ZBTB21: variants seen among roughly 807,000 people sequenced by gnomAD.
ZBTB21 encodes the protein zinc finger and BTB domain-containing protein 21.
A neutral mutation model predicts 39.8 loss-of-function variants in ZBTB21; 10 were observed. That is an observed-to-expected ratio of 0.25 (90% CI 0.16 to 0.43). The LOEUF is 0.43. ZBTB21 is among the 20% of genes least tolerant of loss of function. The pLI, the probability that ZBTB21 is intolerant of heterozygous loss-of-function variation, is 1.00. For missense variants in ZBTB21, 1,221 were observed against 1,296.3 expected (o/e 0.94, Z 0.89); for synonymous variants, 551 against 498.8 (o/e 1.10, Z -1.40).
chr21:41,997,744 A>AGAG (rs2146308183), intron 2 of ZBTB21, among the ~76,000 whole-genome samples: 1 of 152,344 alleles, frequency 6.6e-6, no homozygotes, highest in East Asian at 1.9e-4. Flanking sequence ...CTAGTTCTAA[A>AGAG]TTTAATTAAA....
chr21:42,009,150 C>T (rs912448808), intron 1 of ZBTB21: 1 of 86,118 alleles, frequency 1.2e-5, no homozygotes, highest in African/African-American at 6.6e-5. Flanking sequence ...AACCCCAGGC[C>T]GTGTGAAGTC....
rs1026612034 is a variant in ZBTB21 at position 41,992,931 on chromosome 21, A to C, written c.1165T>G (p.Cys389Gly). The change falls in exon 3 of 3, where the codon TGT (cysteine) becomes GGT (glycine). Residue 389 changes from cysteine to glycine, a missense_variant. Physicochemically the swap from Cys to Gly is radical, Grantham distance 159. Around this residue, in one of 4 missense-constraint regions of ZBTB21, gnomAD observed 500 missense variants for 465.6 expected, o/e 1.07. Coordinates refer to ENST00000310826, the MANE Select transcript of ZBTB21 (RefSeq NM_001098402.2). The surrounding 1 kb of genome is among the most constrained non-coding windows in gnomAD (Gnocchi z 4.1). ...ALSQKSSLKD[C>G]SEKTALDDRP... ...TCATCTAGGGCTGTTTTTTCACTACAATCTTTTAAAGATGACTTCTGAGAT... is the reference window on the plus strand; with the variant it reads ...TCATCTAGGGCTGTTTTTTCACTACCATCTTTTAAAGATGACTTCTGAGAT... 3 of 1,614,152 alleles carry C rather than the reference A, an allele frequency of 1.9e-6. No individual in the cohort carries two copies. Among genetic ancestry groups the C allele is most frequent in the African/African-American group, 1.3e-5 (1 of 75,026 alleles).
At position 41,993,833 on chromosome 21, in the gene ZBTB21, T is replaced by C; in HGVS notation, c.263A>G (p.Tyr88Cys). The change falls in exon 3 of 3, where the codon TAT becomes TGT. Residue 88 changes from tyrosine (Y) to cysteine (C), a missense_variant. Physicochemically the swap from Tyr to Cys is radical, Grantham distance 194. Around this residue, in one of 4 missense-constraint regions of ZBTB21, gnomAD observed 108 missense variants for 155.0 expected, o/e 0.70. Transcript: ENST00000310826. ...CTTCTCAACAAATAGAGAGGAAGAA[T>C]AAATGTAGTTTAAAACATTATCAAA... ...DAFDNVLNYI[Y>C]SSSLFVEKSS... 1 of 1,614,084 alleles carries C rather than the reference T, an allele frequency of 6.2e-7. No homozygotes were observed. The highest frequency in any genetic ancestry group is 2.2e-5 in the East Asian group (1 of 44,902).
intron 1 of ZBTB21, among the ~76,000 whole-genome samples, chr21:42,003,260 C>G (rs544750692): frequency 1.2e-4 from 18 of 152,368 alleles, no homozygotes; most frequent in African/African-American, 4.3e-4. Context: ...TCCTTCTCCA[C>G]TTCCCCTCAC....
intron 1 of ZBTB21, among the ~76,000 whole-genome samples, chr21:42,004,252 G>A (rs1308335950): frequency 3.3e-5 from 5 of 152,022 alleles, no homozygotes; most frequent in Admixed American, 2.6e-4. Context: ...TGCCCACCTC[G>A]GTCTCCCAAA....
chr21:41,993,796 A>G lies in ZBTB21; in HGVS notation c.300T>C (p.Ala100=). The G allele has an allele frequency of 6.2e-7, 1 of 1,614,266 alleles. No individual in the cohort carries two copies. The highest frequency in any genetic ancestry group is 1.7e-5 in the Admixed American group (1 of 60,038). The change falls in exon 3 of 3, where the codon GCT becomes GCC. Residue 100 remains alanine, a synonymous_variant. Transcript: ENST00000310826. The stretch of plus-strand genomic sequence containing the variant: ...GACTATAGCCAAGTTCTTGCACAGC[A>G]GCAAGGCTGCTCTTCTCAACAAATA... ...SSLFVEKSSL[A]AVQELGYSLG...
intron 1 of ZBTB21, among the ~76,000 whole-genome samples, chr21:42,009,936 G>A (rs369595469): frequency 8.5e-5 from 13 of 152,342 alleles, no homozygotes; most frequent in African/African-American, 2.4e-4. Context: ...CCCAGGGGCA[G>A]CTCGGCCAGG....
At chr21:42,001,577 A>G (rs902699605) in intron 2 of ZBTB21, among the ~76,000 whole-genome samples, 2 of 152,232 alleles carry the variant, frequency 1.3e-5, no homozygotes, top group Non-Finnish European at 2.9e-5. Flanking sequence ...GATGGAGGCC[A>G]GGAAGGGCGT....
intron 2 of ZBTB21, among the ~76,000 whole-genome samples, chr21:41,997,555 G>T (rs2065763271): frequency 7.0e-6 from 1 of 142,832 alleles, no homozygotes; most frequent in Admixed American, 7.2e-5. Flanking sequence ...CAGCCTGGTT[G>T]ACAGAGCAAG....
Position 41,990,811 on chromosome 21 carries a change from A to G in ZBTB21, c.*84T>C. The G allele has an allele frequency of 3.8e-6, 5 of 1,310,702 alleles. No homozygotes were observed. The South Asian group carries it at 9.5e-5, about 25-fold the overall frequency. 81.2% of individuals were successfully genotyped at this position (1,310,702 alleles called of 1,614,324 possible). ...TCCAACCTTTATTATTCTTGTTTAA[A>G]AAATATTTTGTTTCTTATGACACAT... On this transcript the variant is annotated 3_prime_UTR_variant, in exon 3 of 3. Coordinates refer to ENST00000310826, the MANE Select transcript of ZBTB21 (RefSeq NM_001098402.2).
At position 41,990,974 on chromosome 21, in the gene ZBTB21, C is replaced by T; in HGVS notation, c.3122G>A (p.Arg1041Lys). ...GTGGCAAAGTTTACACATAAACTGT[C>T]TTTTAAATGTGATTGCTGAAAGGGG... ...APPLSAITFK[R>K]QFMCKLCHRT... The change falls in exon 3 of 3, where the codon AGA becomes AAA. Residue 1041 changes from arginine (R) to lysine (K), a missense_variant. Arg to Lys is a conservative substitution (Grantham distance 26). This residue lies in a region of ZBTB21 where 523 missense variants were observed against 542.5 expected (regional missense o/e 0.96). Transcript: ENST00000310826. The T allele has an allele frequency of 2.6e-6, 4 of 1,531,662 alleles. No individual in the cohort carries two copies. Among genetic ancestry groups the T allele is most frequent in the South Asian group, 1.3e-5 (1 of 76,562 alleles). The allele number at this position is 1,531,662 out of a possible 1,614,324, so 94.9% of individuals were successfully genotyped here.
At position 41,993,566 on chromosome 21, in the gene ZBTB21, G is replaced by C. The variant is rs765674209; in HGVS notation, c.530C>G (p.Ser177Cys). 1 of 1,614,288 alleles carries C rather than the reference G, an allele frequency of 6.2e-7. No individual in the cohort carries two copies. The highest frequency in any genetic ancestry group is 1.1e-5 in the South Asian group (1 of 91,090). The stretch of plus-strand genomic sequence containing the variant: ...ATTGGCCTTGACTGCAATGCTAGGA[G>C]AGGGCCGGGAAGTATGGCTTACATC... ...QPDVSHTSRP[S>C]PSIAVKANTN... Residue 177 changes from serine (S) to cysteine (C), a missense_variant, in exon 3 of 3, where the codon TCT becomes TGT. By Grantham distance (112) the Ser-to-Cys change is moderately radical. Around this residue, in one of 4 missense-constraint regions of ZBTB21, gnomAD observed 500 missense variants for 465.6 expected, o/e 1.07. Coordinates refer to ENST00000310826, the MANE Select transcript of ZBTB21 (RefSeq NM_001098402.2).
chr21:41,991,692 T>C lies in ZBTB21; in HGVS notation c.2404A>G (p.Asn802Asp). The change falls in exon 3 of 3, where the codon AAC (asparagine) becomes GAC (aspartate). Residue 802 changes from asparagine (N) to aspartate (D), a missense_variant. Physicochemically the swap from Asn to Asp is conservative, Grantham distance 23. Coordinates refer to ENST00000310826, the MANE Select transcript of ZBTB21 (RefSeq NM_001098402.2). The surrounding 1 kb of genome is among the most constrained non-coding windows in gnomAD (Gnocchi z 4.9). ...RHQVEVHNQN[N>D]MAPTENFSLP... ...GAAAAGTTTTCGGTGGGTGCCATGTTGTTCTGATTATGGACTTCAACCTGG... is the reference window on the plus strand; with the variant it reads ...GAAAAGTTTTCGGTGGGTGCCATGTCGTTCTGATTATGGACTTCAACCTGG... The C allele has an allele frequency of 6.2e-7, 1 of 1,613,990 alleles. No individual in the cohort carries two copies.
rs2065633448 is a variant in ZBTB21, at chr21:41,990,306, A to G, written c.*589T>C. 1 of 152,632 alleles carries G rather than the reference A, an allele frequency of 6.6e-6. No homozygotes were observed. The highest frequency in any genetic ancestry group is 1.5e-5 in the Non-Finnish European group (1 of 68,034). The allele number at this position is 152,632 out of a possible 1,614,324, so 9.5% of individuals were successfully genotyped here. On this transcript the variant is annotated 3_prime_UTR_variant, in exon 3 of 3. Coordinates refer to ENST00000310826, the MANE Select transcript of ZBTB21 (RefSeq NM_001098402.2). ...TCTAAGTGTTACTATTGCTGATTTA[A>G]ATTTCTCACAATTTTCATACAAAAA...
chr21:41,991,419 C>T lies in ZBTB21; in HGVS notation c.2677G>A (p.Ala893Thr). The T allele has an allele frequency of 1.2e-6, 2 of 1,611,890 alleles. No homozygotes were observed. The highest frequency in any genetic ancestry group is 1.3e-5 in the African/African-American group (1 of 74,554). ...VEEAEEEAPE[A>T]STAPKEAGPS... ...CCCGCTTCTTTGGGGGCTGTGCTGG[C>T]CTCGGGTGCCTCTTCTTCAGCCTCC... The change falls in exon 3 of 3, where the codon GCC becomes ACC. Residue 893 changes from alanine to threonine, a missense_variant. By Grantham distance (58) the Ala-to-Thr change is moderately conservative (BLOSUM62 0). This residue lies in a region of ZBTB21 where 523 missense variants were observed against 542.5 expected (regional missense o/e 0.96). Transcript: ENST00000310826. This position sits in a 1 kb window ranked among gnomAD's most constrained non-coding sequence, Gnocchi z 4.9.
chr21:41,995,223 A>G (rs1442684091), intron 2 of ZBTB21, among the ~76,000 whole-genome samples: 1 of 152,244 alleles, frequency 6.6e-6, no homozygotes, highest in Non-Finnish European at 1.5e-5. Flanking sequence ...TAGAGGACTC[A>G]GAAGAAGACA....
chr21:41,997,500 T>G (rs898998720), intron 2 of ZBTB21, among the ~76,000 whole-genome samples: 2 of 148,840 alleles, frequency 1.3e-5, no homozygotes, highest in Non-Finnish European at 3.0e-5. Flanking sequence ...CACTTAAGCC[T>G]GGGAAGTGGA....
intron 1 of ZBTB21, among the ~76,000 whole-genome samples, chr21:42,004,855 T>C (rs768446564): frequency 5.3e-5 from 8 of 152,236 alleles, no homozygotes; most frequent in Non-Finnish European, 1.2e-4. Flanking sequence ...AACCCTCATT[T>C]CAGGATTTAG....
In ZBTB21 at chr21:41,989,391, T is replaced by G. The variant is rs780865974; in HGVS notation, c.*1504A>C. The G allele has an allele frequency of 1.3e-5, 2 of 152,160 alleles. No homozygotes were observed. The highest frequency in any genetic ancestry group is 1.3e-4 in the Admixed American group (2 of 15,278). The allele number at this position is 152,160 out of a possible 1,614,324, so 9.4% of individuals were successfully genotyped here. A position where few individuals can be genotyped will look rare whatever the true frequency, so the allele number is the denominator to read the frequency against. On this transcript the variant is annotated 3_prime_UTR_variant, in exon 3 of 3. Transcript: ENST00000310826. ...GCACAAATCTAAAATTATTTCTTAA[T>G]GACAGTAGTTGGCTTTTAAAAAAAA...
Sources: allele counts gnomAD v4.1 joint callset (sites outside exome capture counted in the v4.1 genomes callset), GRCh38; gene constraint gnomAD v4.1.1; regional missense constraint gnomAD v4.1.1; non-coding constraint Gnocchi (gnomAD v3.1); transcripts MANE v1.5; gene names NCBI Gene and HGNC (gene_info 2026-07-23, HGNC 2026-07-21).